The following ZNF350 variants were observed in gnomAD, a reference collection of about 807,000 sequenced individuals.
ZNF350 encodes the protein zinc finger protein 350.
In ZNF350, 5 loss-of-function variants were observed where a neutral mutation model predicts 13.1. The ratio of observed to expected loss-of-function variants is 0.38; its 90% CI spans 0.20 to 0.80. ZNF350 has a LOEUF of 0.80. ZNF350 is among the 30% of genes least tolerant of loss of function. The probability of loss-of-function intolerance (pLI) is 0.43; values close to 1 mark genes in which losing one functional copy is unlikely to be tolerated. For synonymous variants in ZNF350, 199 were observed against 224.2 expected (o/e 0.89, Z 1.00); for missense variants, 534 against 644.2 (o/e 0.83, Z 1.85).
At chr19:51,975,291 A>G (rs1450804651) in intron 1 of ZNF350, among the ~76,000 whole-genome samples, 2 of 152,176 alleles carry the variant, frequency 1.3e-5, no homozygotes, top group Non-Finnish European at 2.9e-5. Flanking sequence ...CAACATGGTG[A>G]AACCCCATCT....
chr19:51,985,620 G>GT (rs1391150767), intron 1 of ZNF350, among the ~76,000 whole-genome samples: 2 of 152,156 alleles, frequency 1.3e-5, no homozygotes, highest in Admixed American at 6.5e-5. Flanking sequence ...ACTGGGATTT[G>GT]GGTCGCCTTG....
At position 51,965,661 on chromosome 19, in the gene ZNF350, G is replaced by A. The variant is rs1277181509; in HGVS notation, c.792C>T (p.Cys264=). ...TGAGAAAGGCTTTGCCACATTCAGG[G>A]CATTCATAAGGTTTTTCTCCTGTAT... The part of the protein sequence containing the change: ...RTHTGEKPYE[C]PECGKAFLKK... Residue 264 remains cysteine, a synonymous_variant, in exon 5 of 5, where the codon TGC becomes TGT. Coordinates refer to ENST00000243644, the MANE Select transcript of ZNF350 (RefSeq NM_021632.4). The A allele has an allele frequency of 4.3e-6, 7 of 1,614,000 alleles. 1 individual carries two copies. The East Asian group carries it at 1.1e-4, about 26-fold the overall frequency.
chr19:51,986,022 AT>A (rs200568850), intron 1 of ZNF350, among the ~76,000 whole-genome samples: 324 of 152,318 alleles, frequency 2.1e-3, no homozygotes, highest in African/African-American at 5.5e-3. Flanking sequence ...AATAAAAAAA[AT>A]AAATAAAAAA....
rs1337524756 is a variant in ZNF350, at chr19:51,972,646, T to G, written c.15+1700A>C. ...ATCATGTAAAATATATATATGTGTA[T>G]ATCATAATGAATATATATATCTACA... On this transcript the variant is annotated intron_variant, in intron 2 of 4. Coordinates refer to ENST00000243644, the MANE Select transcript of ZNF350 (RefSeq NM_021632.4). 2.0e-5 allele frequency among the ~76,000 whole-genome samples: 3 copies of G among 152,128 alleles called. 1 individual carries two copies. The highest frequency in any genetic ancestry group is 4.4e-5 in the Non-Finnish European group (3 of 68,024).
chr19:51,966,054 TC>T lies in ZNF350; in HGVS notation c.398del (p.Gly133GlufsTer4). ...GQNHDIFDLRGKSLKSNLTLV... is the reference protein window; with the variant it reads ...GQNHDIFDLRXKSLKSNLTLV... ...AAGTTAAATTGGATTTCAAACTTTTTCCACGTAAGTCAAATATATCATGATT... is the reference window on the plus strand; with the variant it reads ...AAGTTAAATTGGATTTCAAACTTTTTCACGTAAGTCAAATATATCATGATT... On this transcript the variant is annotated frameshift_variant, in exon 5 of 5. Coordinates refer to ENST00000243644, the MANE Select transcript of ZNF350 (RefSeq NM_021632.4). LOFTEE classifies it low-confidence loss of function (END_TRUNC). 4 of 1,614,078 alleles carry T rather than the reference TC, an allele frequency of 2.5e-6. No individual in the cohort carries two copies. Among genetic ancestry groups the T allele is most frequent in the Non-Finnish European group, 2.5e-6 (3 of 1,180,008 alleles).
intron 4 of ZNF350, among the ~76,000 whole-genome samples, chr19:51,968,115 C>G (rs1037328135): frequency 6.6e-6 from 1 of 152,140 alleles, no homozygotes; most frequent in Admixed American, 6.5e-5. Context: ...CAAGGCACAG[C>G]GAAAGTCCAG....
rs2086167021 is a variant in ZNF350, at chr19:51,986,798, G to GC, written c.-201dup. 1 of 152,276 alleles carries GC rather than the reference G, an allele frequency of 6.6e-6. No individual in the cohort carries two copies. The highest frequency in any genetic ancestry group is 2.4e-5 in the African/African-American group (1 of 41,532). The allele number at this position is 152,276 out of a possible 1,614,324, so 9.4% of individuals were successfully genotyped here. On this transcript the variant is annotated 5_prime_UTR_variant, in exon 1 of 5. Coordinates refer to ENST00000243644, the MANE Select transcript of ZNF350 (RefSeq NM_021632.4). Reference sequence around the variant, plus strand: ...TATTTTCTCCAGATACACAAGAAGGGCCTCAACGTTACACTTCCGTAAACT... The same window carrying GC: ...TATTTTCTCCAGATACACAAGAAGGGCCCTCAACGTTACACTTCCGTAAACT...
chr19:51,983,451 C>T (rs2086100927), intron 1 of ZNF350, among the ~76,000 whole-genome samples: 1 of 152,188 alleles, frequency 6.6e-6, no homozygotes, highest in South Asian at 2.1e-4. Flanking sequence ...AGCCATCTGT[C>T]TCCTGCTCCT....
At position 51,966,075 on chromosome 19, in the gene ZNF350, A is replaced by G. The variant is rs1281291096; in HGVS notation, c.378T>C (p.His126=). Residue 126 remains histidine, a synonymous_variant, in exon 5 of 5, where the codon CAT becomes CAC. Coordinates refer to ENST00000243644, the MANE Select transcript of ZNF350 (RefSeq NM_021632.4). ...SKSQFLLGQN[H]DIFDLRGKSL... is the part of the protein sequence containing the mutation. The stretch of plus-strand genomic sequence containing the variant: ...TTTTTCCACGTAAGTCAAATATATC[A>G]TGATTTTGCCCTAACAGAAACTGAC... 6 of 1,613,964 alleles carry G rather than the reference A, an allele frequency of 3.7e-6. No individual in the cohort carries two copies. The highest frequency in any genetic ancestry group is 5.1e-6 in the Non-Finnish European group (6 of 1,180,028).
intron 1 of ZNF350, among the ~76,000 whole-genome samples, chr19:51,983,857 A>T (rs568730992): frequency 6.6e-6 from 1 of 152,132 alleles, no homozygotes; most frequent in East Asian, 1.9e-4. Flanking sequence ...CTTCCTCTGT[A>T]CTTTCTCTCT....
chr19:51,972,356 T>C (rs1310467742), intron 2 of ZNF350, among the ~76,000 whole-genome samples: 1 of 148,704 alleles, frequency 6.7e-6, no homozygotes, highest in Non-Finnish European at 1.5e-5. Context: ...AATAAACTCA[T>C]AGTCAACCCA....
chr19:51,977,845 G>T (rs1599950070), intron 1 of ZNF350, among the ~76,000 whole-genome samples: 1 of 152,314 alleles, frequency 6.6e-6, no homozygotes, highest in Admixed American at 6.5e-5. Flanking sequence ...GAGATTCATC[G>T]ATCTGCAAAG....
chr19:51,981,834 A>G (rs964693010), intron 1 of ZNF350: 1 of 152,188 alleles, frequency 6.6e-6, no homozygotes, highest in African/African-American at 2.4e-5. Flanking sequence ...TAGAACCAAA[A>G]ACAAGAAATA....
At chr19:51,981,635 C>A in intron 1 of ZNF350, among the ~76,000 whole-genome samples, 1 of 152,046 alleles carries the variant, frequency 6.6e-6, no homozygotes. Context: ...CAATATGCCA[C>A]AGAGAGAGTA....
At chr19:51,972,199 T>C (rs1374960794) in intron 2 of ZNF350, among the ~76,000 whole-genome samples, 2 of 151,096 alleles carry the variant, frequency 1.3e-5, no homozygotes, top group Admixed American at 6.6e-5. Context: ...CAATGGCTTA[T>C]GCCTGTAATC....
intron 1 of ZNF350, among the ~76,000 whole-genome samples, chr19:51,983,691 C>T (rs571048204): frequency 1.4e-4 from 22 of 152,262 alleles, no homozygotes; most frequent in African/African-American, 5.3e-4. Context: ...CACATGTTTT[C>T]CTACTGACCC....
intron 2 of ZNF350, among the ~76,000 whole-genome samples, chr19:51,971,449 G>A (rs2085734332): frequency 6.6e-6 from 1 of 152,170 alleles, no homozygotes; most frequent in Non-Finnish European, 1.5e-5. Flanking sequence ...TCCGTGGGAC[G>A]TGACCAACTC....
Position 51,965,848 on chromosome 19 carries a change from A to G in ZNF350, c.605T>C (p.Leu202Ser). Reference sequence around the variant, plus strand: ...TTCACTGCACACATGATGCTTCTCTAATTTTCGTGTTTTCTGATGCTTGGG... The same window carrying G: ...TTCACTGCACACATGATGCTTCTCTGATTTTCGTGTTTTCTGATGCTTGGG... ...ISPKHQKTRK[L>S]EKHHVCSECG... is the part of the protein sequence containing the mutation. Residue 202 changes from leucine to serine, a missense_variant, in exon 5 of 5, where the codon TTA becomes TCA. Transcript: ENST00000243644. The G allele has an allele frequency of 1.9e-6, 3 of 1,614,072 alleles. No individual in the cohort carries two copies. Among genetic ancestry groups the G allele is most frequent in the Non-Finnish European group, 2.5e-6 (3 of 1,180,012 alleles).
Position 51,974,438 on chromosome 19 carries a change from C to T in ZNF350, c.-78G>A, listed in dbSNP as rs999332693. On this transcript the variant is annotated 5_prime_UTR_variant, in exon 2 of 5. Coordinates refer to ENST00000243644, the MANE Select transcript of ZNF350 (RefSeq NM_021632.4). ...CTTCTGGCCTTCTCTTCAGAAGTCT[C>T]AGTTTTCAATCAAGTGTGCCCCAAG... The T allele has an allele frequency of 6.4e-7, 1 of 1,553,532 alleles. No homozygotes were observed. Among genetic ancestry groups the T allele is most frequent in the Non-Finnish European group, 8.8e-7 (1 of 1,132,684 alleles).
Sources: allele counts gnomAD v4.1 joint callset (sites outside exome capture counted in the v4.1 genomes callset), GRCh38; gene constraint gnomAD v4.1.1; transcripts MANE v1.5; gene names NCBI Gene and HGNC (gene_info 2026-07-23, HGNC 2026-07-21).